MYH8: variants seen among roughly 807,000 people sequenced by gnomAD.
MYH8 encodes the protein myosin heavy chain 8, also known as myosin-8.
A neutral mutation model predicts 233.2 loss-of-function variants in MYH8; 168 were observed. That is an observed-to-expected ratio of 0.72 (90% CI 0.64 to 0.82). The LOEUF is 0.82. Among genes scored for constraint, MYH8 ranks in the 40% least tolerant of loss-of-function variants. The pLI is 0.00. For synonymous variants in MYH8, 785 were observed against 850.6 expected (o/e 0.92, Z 1.34); for missense variants, 1,995 against 2,327.8 (o/e 0.86, Z 2.94).
Position 10,396,829 on chromosome 17 carries a change from C to T in MYH8, c.4336G>A (p.Asp1446Asn), listed in dbSNP as rs779629902. 5.0e-6 allele frequency: 8 copies of T among 1,614,104 alleles called. No homozygotes were observed. Among genetic ancestry groups the T allele is most frequent in the Admixed American group, 3.3e-5 (2 of 60,008 alleles). Residue 1446 changes from aspartate (D) to asparagine (N), a missense_variant, in exon 31 of 40, where the codon GAT becomes AAT. By Grantham distance (23) the Asp-to-Asn change is conservative (BLOSUM62 1). Around this residue, in one of 3 missense-constraint regions of MYH8, gnomAD observed 1,498 missense variants for 1,680.9 expected, o/e 0.89. Transcript: ENST00000403437. This position sits in a 1 kb window ranked among gnomAD's most constrained non-coding sequence, Gnocchi z 4.2. ...ERSNAACAAL[D>N]KKQRNFDKVL... ...TTGTCAAAGTTCCTTTGCTTCTTAT[C>T]AAGGGCTGCACAGGCTGCATTAGAC...
chr17:10,400,522 G>T lies in MYH8; in HGVS notation c.3603C>A (p.Asp1201Glu), dbSNP rs143575170. Residue 1201 changes from aspartate to glutamate, a missense_variant, in exon 27 of 40, where the codon GAC (aspartate) becomes GAA (glutamate). Asp to Glu is a conservative substitution (Grantham distance 45). Coordinates refer to ENST00000403437, the MANE Select transcript of MYH8 (RefSeq NM_002472.3). The surrounding 1 kb of genome is among the most constrained non-coding windows in gnomAD (Gnocchi z 4.0). The stretch of plus-strand genomic sequence containing the variant: ...TCTGCTCCCCAAGCTCAGCCATACT[G>T]TCTGCGTGCTTCTTCCGAAGAGCAG... ...MVAALRKKHA[D>E]SMAELGEQID... The T allele has an allele frequency of 1.2e-6, 2 of 1,614,186 alleles. No individual in the cohort carries two copies. The highest frequency in any genetic ancestry group is 1.7e-6 in the Non-Finnish European group (2 of 1,180,034).
chr17:10,394,333 A>C lies in MYH8; in HGVS notation c.5082T>G (p.Thr1694=). The change falls in exon 35 of 40, where the codon ACT becomes ACG. Residue 1694 remains threonine (T), a synonymous_variant. Coordinates refer to ENST00000403437, the MANE Select transcript of MYH8 (RefSeq NM_002472.3). ...TCCTGCTTCTCTCTGTCTGTTCCAG[A>C]GTGGCCCACAGCTCCTCGATCTCAG... is the stretch of plus-strand genomic sequence containing the variant. The part of the protein sequence containing the change: ...LQAEIEELWA[T]LEQTERSRKI... 1.2e-6 allele frequency: 2 copies of C among 1,614,076 alleles called. No individual in the cohort carries two copies. Among genetic ancestry groups the C allele is most frequent in the Non-Finnish European group, 1.7e-6 (2 of 1,180,028 alleles).
In MYH8 at chr17:10,414,390, T is replaced by C; in HGVS notation, c.900A>G (p.Leu300=). Residue 300 remains leucine (L), a synonymous_variant, in exon 10 of 40, where the codon CTA becomes CTG. Coordinates refer to ENST00000403437, the MANE Select transcript of MYH8 (RefSeq NM_002472.3). Reference sequence around the variant, plus strand: ...TGACTTTAAGTTCTTTCTTACCAATTAGATCTGGCTTCTTATTGGAAGTGA... The same window carrying C: ...TGACTTTAAGTTCTTTCTTACCAATCAGATCTGGCTTCTTATTGGAAGTGA... ...YQITSNKKPD[L]IEMLLITTNP... 1.9e-6 allele frequency: 3 copies of C among 1,607,314 alleles called. No individual in the cohort carries two copies. The highest frequency in any genetic ancestry group is 2.6e-6 in the Non-Finnish European group (3 of 1,173,730).
Position 10,420,237 on chromosome 17 carries a change from T to G in MYH8, c.-10A>C, listed in dbSNP as rs754942916. 1.2e-6 allele frequency: 2 copies of G among 1,612,676 alleles called. No individual in the cohort carries two copies. The highest frequency in any genetic ancestry group is 2.2e-5 in the South Asian group (2 of 91,010). The stretch of plus-strand genomic sequence containing the variant: ...CTGAGCTCGCACTCATGGCTGCGAT[T>G]TATTTAGCAAAGGATTCTGCCTAGG... On this transcript the variant is annotated 5_prime_UTR_variant, in exon 3 of 40. Transcript: ENST00000403437.
At chr17:10,404,715 T>C (rs1052681354) in intron 21 of MYH8, 130 bp from the exon 22 acceptor site, 1 of 1,131,862 alleles carries the variant, frequency 8.8e-7, no homozygotes, top group Admixed American at 2.1e-5. Context: ...CTATATATTA[T>C]ATGCAGGCTT....
chr17:10,421,086 G>A (rs981562194), intron 2 of MYH8, among the ~76,000 whole-genome samples: 1 of 152,148 alleles, frequency 6.6e-6, no homozygotes, highest in Non-Finnish European at 1.5e-5. Flanking sequence ...CCTCTGCAAT[G>A]TGGACATGTT....
rs1555555996 is a variant in MYH8 at position 10,400,882 on chromosome 17, A to G, written c.3332T>C (p.Ile1111Thr). ...GAGATGACTCACCTGCAACTCTTTG[A>G]TCTTCTTCTGTAGTTGAATTTCTAC... ...QAVEIQLQKK[I>T]KELQARIEEL... The change falls in exon 26 of 40, where the codon ATC (isoleucine) becomes ACC (threonine). Residue 1111 changes from isoleucine to threonine, a missense_variant. By Grantham distance (89) the Ile-to-Thr change is moderately conservative. Coordinates refer to ENST00000403437, the MANE Select transcript of MYH8 (RefSeq NM_002472.3). This position sits in a 1 kb window ranked among gnomAD's most constrained non-coding sequence, Gnocchi z 4.0. 1 of 1,613,848 alleles carries G rather than the reference A, an allele frequency of 6.2e-7. No homozygotes were observed. The highest frequency in any genetic ancestry group is 1.1e-5 in the South Asian group (1 of 91,078).
Position 10,414,265 on chromosome 17 carries a change from T to C in MYH8, c.935A>G (p.Asp312Gly), listed in dbSNP as rs150332523. 1 of 1,614,164 alleles carries C rather than the reference T, an allele frequency of 6.2e-7. No homozygotes were observed. The highest frequency in any genetic ancestry group is 2.2e-5 in the East Asian group (1 of 44,878). The change falls in exon 11 of 40, where the codon GAC (aspartate) becomes GGC (glycine). Residue 312 changes from aspartate (D) to glycine (G), a missense_variant. Around this residue, in one of 3 missense-constraint regions of MYH8, gnomAD observed 479 missense variants for 600.9 expected, o/e 0.80. Transcript: ENST00000403437. ...CTCCCCCTGACTGACGAAGGCATAG[T>C]CATATGGGTTGGTGGTGATCAGGAG... The part of the protein sequence containing the change: ...EMLLITTNPY[D>G]YAFVSQGEIT...
intron 34 of MYH8, among the ~76,000 whole-genome samples, chr17:10,394,750 T>C (rs1455662095): frequency 6.6e-6 from 1 of 152,248 alleles, no homozygotes; most frequent in African/African-American, 2.4e-5. Context: ...TGTTATTTCA[T>C]TTGATCTTCA....
Position 10,398,815 on chromosome 17 carries a change from TAGA to T in MYH8, c.3931_3933del (p.Ser1311del). Reference sequence around the variant, plus strand: ...TGTTTCAGCTCTTCAATCTGCTGAGTAGATGCTTGCTTGCTCCTTGAAAGCTGA... The same window carrying T: ...TGTTTCAGCTCTTCAATCTGCTGAGTTGCTTGCTTGCTCCTTGAAAGCTGA... On this transcript the variant is annotated inframe_deletion, in exon 29 of 40. Coordinates refer to ENST00000403437, the MANE Select transcript of MYH8 (RefSeq NM_002472.3). The T allele has an allele frequency of 6.2e-7, 1 of 1,614,076 alleles. No individual in the cohort carries two copies.
chr17:10,390,647 T>A (rs752024370), intron 39 of MYH8, 44 bp from the exon 40 acceptor site: 1 of 1,598,680 alleles, frequency 6.3e-7, no homozygotes, highest in Non-Finnish European at 8.6e-7. Context: ...TGTGTGGTTC[T>A]CATTGCACTT....
rs143643784 is a variant in MYH8 at position 10,398,631 on chromosome 17, C to T, written c.3991G>A (p.Ala1331Thr). Reference sequence around the variant, plus strand: ...GAGGACTGCAGGGCGTGTGCCAGGGCGTTCTTGGCCTGCAGAAGTAGCAGT... The same window carrying T: ...GAGGACTGCAGGGCGTGTGCCAGGGTGTTCTTGGCCTGCAGAAGTAGCAGT... ...QLEEETKAKN[A>T]LAHALQSSRH... is the part of the protein sequence containing the mutation. Residue 1331 changes from alanine to threonine, a missense_variant, in exon 30 of 40, where the codon GCC becomes ACC. This residue lies in a region of MYH8 where 1,498 missense variants were observed against 1,680.9 expected (regional missense o/e 0.89). Coordinates refer to ENST00000403437, the MANE Select transcript of MYH8 (RefSeq NM_002472.3). The T allele has an allele frequency of 6.8e-6, 11 of 1,613,992 alleles. No individual in the cohort carries two copies. In the African/African-American group the frequency reaches 9.3e-5, roughly 14 times the overall value.
chr17:10,406,534 A>G (rs2072195522), intron 19 of MYH8, 137 bp from the exon 20 acceptor site: 1 of 1,408,542 alleles, frequency 7.1e-7, no homozygotes, highest in South Asian at 1.2e-5. Flanking sequence ...AAGGACAGAT[A>G]GTAAAACAAT....
chr17:10,390,516 A>G lies in MYH8; in HGVS notation c.5752T>C (p.Ser1918Pro). ...TTCACTCGCAATTTGTTGACCTGGG[A>G]CTCAGCAATGTCAGCCCGTTCCTCG... is the stretch of plus-strand genomic sequence containing the variant. ...EAEERADIAE[S>P]QVNKLRVKSR... The change falls in exon 40 of 40, where the codon TCC becomes CCC. Residue 1918 changes from serine (S) to proline (P), a missense_variant. Ser to Pro is a moderately conservative substitution (Grantham distance 74). This residue lies in a region of MYH8 where 1,498 missense variants were observed against 1,680.9 expected (regional missense o/e 0.89). Coordinates refer to ENST00000403437, the MANE Select transcript of MYH8 (RefSeq NM_002472.3). 6.2e-7 allele frequency: 1 copy of G among 1,614,170 alleles called. No homozygotes were observed. Among genetic ancestry groups the G allele is most frequent in the Non-Finnish European group, 8.5e-7 (1 of 1,180,032 alleles).
intron 5 of MYH8, among the ~76,000 whole-genome samples, chr17:10,418,079 A>G (rs2072303651): frequency 6.6e-6 from 1 of 152,224 alleles, no homozygotes; most frequent in Admixed American, 6.5e-5. Context: ...TACAATTTAA[A>G]CATTTTTCTC....
chr17:10,415,754 A>T lies in MYH8; in HGVS notation c.512-46T>A. The T allele has an allele frequency of 2.5e-6, 4 of 1,573,748 alleles. No homozygotes were observed. The highest frequency in any genetic ancestry group is 1.7e-6 in the Non-Finnish European group (2 of 1,150,400). On this transcript the variant is annotated intron_variant, in intron 5 of 39. Transcript: ENST00000403437. This position sits in a 1 kb window ranked among gnomAD's most constrained non-coding sequence, Gnocchi z 4.1. Reference sequence around the variant, plus strand: ...ATCCGTTAAAAAATGCATATTTAATATGAAGAGTATTGAATCAGTTCAGAT... The same window carrying T: ...ATCCGTTAAAAAATGCATATTTAATTTGAAGAGTATTGAATCAGTTCAGAT...
At chr17:10,403,513 A>C (rs964017912) in intron 22 of MYH8, among the ~76,000 whole-genome samples, 1 of 152,020 alleles carries the variant, frequency 6.6e-6, no homozygotes, top group Admixed American at 6.6e-5. Context: ...TTTAATAGTG[A>C]TACACTCAAT....
chr17:10,401,876 A>T, intron 22 of MYH8, 91 bp from the exon 23 acceptor site: 1 of 1,515,410 alleles, frequency 6.6e-7, no homozygotes, highest in East Asian at 2.3e-5. Context: ...GTTTTATTGA[A>T]TTCTGTTGAA....
chr17:10,420,002 C>G lies in MYH8; in HGVS notation c.210+16G>C. 6.2e-7 allele frequency: 1 copy of G among 1,612,196 alleles called. No homozygotes were observed. On this transcript the variant is annotated intron_variant, in intron 3 of 39. Transcript: ENST00000403437. ...AGAAATAAAATGGGGAGTATTTTCT[C>G]CCTGTTTTCACTTACTGCTCCACCT...
Sources: allele counts gnomAD v4.1 joint callset (sites outside exome capture counted in the v4.1 genomes callset), GRCh38; gene constraint gnomAD v4.1.1; regional missense constraint gnomAD v4.1.1; non-coding constraint Gnocchi (gnomAD v3.1); transcripts MANE v1.5; gene names NCBI Gene and HGNC (gene_info 2026-07-23, HGNC 2026-07-21).